The following P2RX5 variants were observed in gnomAD, a reference collection of about 807,000 sequenced individuals.
The protein encoded by P2RX5 is purinergic receptor P2X 5.
A neutral mutation model predicts 54.1 loss-of-function variants in P2RX5; 46 were observed. That is an observed-to-expected ratio of 0.85 (90% CI 0.67 to 1.09). The LOEUF is 1.09. P2RX5 is among the 50% of genes least tolerant of loss of function. The pLI, the probability that P2RX5 is intolerant of heterozygous loss-of-function variation, is 0.00. For synonymous variants in P2RX5, 226 were observed against 226.4 expected, an observed-to-expected ratio of 1.00 and a Z score of 0.02; for missense variants, 566 against 549.8, an observed-to-expected ratio of 1.03 and a Z score of -0.29.
At chr17:3,712,673 G>A in the P2RX5 span, among the ~76,000 whole-genome samples, 1 of 152,182 alleles carries the variant, frequency 6.6e-6, no homozygotes, top group Non-Finnish European at 1.5e-5. Context: ...GCCGGGCCCG[G>A]ATTTGGCTCA....
intron 10 of P2RX5, among the ~76,000 whole-genome samples, chr17:3,680,988 T>G (rs866345041): frequency 4.3e-5 from 1 of 23,222 alleles, no homozygotes; most frequent in Non-Finnish European, 8.7e-5. Flanking sequence ...CTCCACCCAG[T>G]GTCCTCCACC....
chr17:3,693,618 A>G (rs2050677841), intron 1 of P2RX5, among the ~76,000 whole-genome samples: 2 of 152,128 alleles, frequency 1.3e-5, no homozygotes, highest in African/African-American at 4.8e-5. Context: ...CATGCCTGTA[A>G]TCCCAGTTAA....
At chr17:3,690,229 C>T in intron 5 of P2RX5, 79 bp from the exon 6 acceptor site, 1 of 1,391,926 alleles carries the variant, frequency 7.2e-7, no homozygotes, top group Non-Finnish European at 1.0e-6. Context: ...AGTGTGAGGC[C>T]TGTTCCTTGG....
intron 8 of P2RX5, 79 bp from the exon 9 acceptor site, chr17:3,688,184 G>A: frequency 1.2e-6 from 1 of 809,568 alleles, no homozygotes; most frequent in Non-Finnish European, 2.1e-6. Context: ...GGCTGCTCTG[G>A]GGACTTAGAA....
At chr17:3,697,792 G>C (rs1429981224), upstream of P2RX5, among the ~76,000 whole-genome samples, 1 of 152,122 alleles carries the variant, frequency 6.6e-6, no homozygotes. Flanking sequence ...AAAAAGGCCT[G>C]TTATTATTGC....
In P2RX5 at chr17:3,679,716, G is replaced by A. The variant is rs1380889846; in HGVS notation, c.1133C>T (p.Thr378Ile). Residue 378 changes from threonine to isoleucine, a missense_variant, in exon 11 of 12, where the codon ACA (threonine) becomes ATA (isoleucine). Thr to Ile is a moderately conservative substitution (Grantham distance 89). Coordinates refer to ENST00000225328, the MANE Select transcript of P2RX5 (RefSeq NM_002561.4). ...CATCCCCAGCAGCCCTGGCCCAGAT[G>A]TGAGCTGCTCAGATAGCCCCAGCCC... ...ASGLGLSEQL[T>I]SGPGLLGMPE... is the part of the protein sequence containing the mutation. 4 of 1,612,530 alleles carry A rather than the reference G, an allele frequency of 2.5e-6. No individual in the cohort carries two copies. The highest frequency in any genetic ancestry group is 1.3e-5 in the African/African-American group (1 of 75,004).
At chr17:3,680,396 TGCATCCTCCACCCA>T (rs1397314852) in intron 10 of P2RX5, among the ~76,000 whole-genome samples, 12 of 123,500 alleles carry the variant, frequency 9.7e-5, no homozygotes, top group African/African-American at 3.2e-4. Flanking sequence ...TCCTCCACCC[TGCATCCTCCACCCA>T]GCGTCCTCCA....
At chr17:3,699,922 GAAAGAAAGAA>G (rs2050806210), upstream of P2RX5, among the ~76,000 whole-genome samples, 9 of 64,274 alleles carry the variant, frequency 1.4e-4, no homozygotes, top group African/African-American at 4.2e-4. Context: ...AGGAAGGAAA[GAAAGAAAGAA>G]AGAAAGAAAG....
At chr17:3,676,562 G>C in intron 11 of P2RX5, 1 of 985,428 alleles carries the variant, frequency 1.0e-6, no homozygotes, top group African/African-American at 1.7e-5. Context: ...TTGGTCTCTA[G>C]GCAGCATGCG....
Position 3,690,233 on chromosome 17 carries a change from TC to T in P2RX5, c.534-84del, listed in dbSNP as rs749816712. On this transcript the variant is annotated intron_variant, in intron 5 of 11. Transcript: ENST00000225328. Reference sequence around the variant, plus strand: ...AGGCCTGGGCCAGTGTGAGGCCTGTTCCTTGGGTCCCCTGGAGCCTCTGCCC... The same window carrying T: ...AGGCCTGGGCCAGTGTGAGGCCTGTTCTTGGGTCCCCTGGAGCCTCTGCCC... 4 of 1,353,978 alleles carry T rather than the reference TC, an allele frequency of 3.0e-6. No individual in the cohort carries two copies. The East Asian group carries it at 9.1e-5, about 31-fold the overall frequency. The allele number at this position is 1,353,978 out of a possible 1,614,324, so 83.9% of individuals were successfully genotyped here. A position where few individuals can be genotyped will look rare whatever the true frequency, so the allele number is the denominator to read the frequency against.
chr17:3,696,130 C>A lies in P2RX5; in HGVS notation c.-125G>T. 1 of 1,040,246 alleles carries A rather than the reference C, an allele frequency of 9.6e-7. No individual in the cohort carries two copies. The highest frequency in any genetic ancestry group is 2.4e-5 in the South Asian group (1 of 41,428). 64.4% of individuals were successfully genotyped at this position (1,040,246 alleles called of 1,614,324 possible). ...CGTCTGCGCCCGCTCAGCTGCAGCC[C>A]GGGGTGTCCGGCAGGGCTGCGGGGC... is the stretch of plus-strand genomic sequence containing the variant. On this transcript the variant is annotated 5_prime_UTR_variant, in exon 1 of 12. Coordinates refer to ENST00000225328, the MANE Select transcript of P2RX5 (RefSeq NM_002561.4).
chr17:3,681,666 G>A (rs2050285378), intron 10 of P2RX5, among the ~76,000 whole-genome samples: 1 of 152,216 alleles, frequency 6.6e-6, no homozygotes, highest in Admixed American at 6.5e-5. Flanking sequence ...ATCAGGCGGA[G>A]CCTGTGAACT....
chr17:3,679,704 C>T lies in P2RX5; in HGVS notation c.1145G>A (p.Gly382Glu). ...GLSEQLTSGP[G>E]LLGMPEQQEL... is the part of the protein sequence containing the mutation. ...CTGCTGCTCCGGCATCCCCAGCAGC[C>T]CTGGCCCAGATGTGAGCTGCTCAGA... The change falls in exon 11 of 12, where the codon GGG (glycine) becomes GAG (glutamate). Residue 382 changes from glycine (G) to glutamate (E), a missense_variant. Physicochemically the swap from Gly to Glu is moderately conservative, Grantham distance 98. Coordinates refer to ENST00000225328, the MANE Select transcript of P2RX5 (RefSeq NM_002561.4). 6.2e-7 allele frequency: 1 copy of T among 1,612,378 alleles called. No individual in the cohort carries two copies. Among genetic ancestry groups the T allele is most frequent in the Non-Finnish European group, 8.5e-7 (1 of 1,179,816 alleles).
At chr17:3,714,941 C>T in the P2RX5 span, 4 of 1,587,998 alleles carry the variant, frequency 2.5e-6, no homozygotes, top group Non-Finnish European at 3.4e-6. Context: ...AAAAAAGCCA[C>T]ACTGAAACAA....
the P2RX5 span, among the ~76,000 whole-genome samples, chr17:3,715,301 C>T: frequency 6.6e-6 from 1 of 152,186 alleles, no homozygotes; most frequent in African/African-American, 2.4e-5. Flanking sequence ...AGATCAAGTA[C>T]AGCTTCCTAC....
chr17:3,720,024 G>A, the P2RX5 span, among the ~76,000 whole-genome samples: 1 of 152,094 alleles, frequency 6.6e-6, no homozygotes, highest in African/African-American at 2.4e-5. Flanking sequence ...CCTGCGCCCA[G>A]CTGCGAAATT....
chr17:3,715,118 T>G, the P2RX5 span, among the ~76,000 whole-genome samples: 1 of 152,180 alleles, frequency 6.6e-6, no homozygotes, highest in African/African-American at 2.4e-5. Context: ...CTTCAAGACC[T>G]CTGGTGCTCA....
chr17:3,720,391 A>T, the P2RX5 span: 22 of 1,483,396 alleles, frequency 1.5e-5, no homozygotes, highest in East Asian at 1.6e-4. Context: ...GTTCAGTTAC[A>T]TCTTTTAGTA....
rs2050025987 is a variant in P2RX5 at position 3,673,369 on chromosome 17, G to A, written c.*499C>T. 2.0e-6 allele frequency: 2 copies of A among 1,016,820 alleles called. No individual in the cohort carries two copies. Among genetic ancestry groups the A allele is most frequent in the Non-Finnish European group, 2.4e-6 (2 of 847,410 alleles). The allele number at this position is 1,016,820 out of a possible 1,614,324, so 63.0% of individuals were successfully genotyped here. On this transcript the variant is annotated 3_prime_UTR_variant, in exon 12 of 12. Transcript: ENST00000225328. ...CTAAGGGCAAACAGCTGGCAGGAAG[G>A]TGGTGTCTTTAGGAGAGAGAGTACT...
Sources: gnomAD v4.1 joint callset for allele counts (sites outside exome capture counted in the v4.1 genomes callset) on GRCh38, gnomAD v4.1.1 for gene constraint, MANE v1.5 for transcripts, NCBI Gene and HGNC (gene_info 2026-07-23, HGNC 2026-07-21) for gene names.